CASR: variants seen among roughly 807,000 people sequenced by gnomAD.
The protein encoded by CASR is calcium sensing receptor, also known as extracellular calcium-sensing receptor.
A neutral mutation model predicts 69.1 loss-of-function variants in CASR; 23 were observed. The observed-to-expected ratio is 0.33, with a 90% confidence interval of 0.24 to 0.47. The LOEUF (loss-of-function observed/expected upper bound fraction) is 0.47, where lower values mean the gene tolerates loss of function less well. Among genes scored for constraint, CASR ranks in the 20% least tolerant of loss-of-function variants. The pLI, the probability that CASR is intolerant of heterozygous loss-of-function variation, is 1.00. For missense variants in CASR, 924 were observed against 1,356.1 expected (o/e 0.68, Z 5.00); for synonymous variants, 541 against 544.7 (o/e 0.99, Z 0.10).
intron 1 of CASR, among the ~76,000 whole-genome samples, chr3:122,201,907 C>T (rs1406518884): frequency 1.3e-5 from 2 of 151,224 alleles, no homozygotes; most frequent in East Asian, 2.0e-4. Flanking sequence ...GGATGGCGGC[C>T]GGGCAGAGAC....
intron 1 of CASR, among the ~76,000 whole-genome samples, chr3:122,205,878 G>A (rs944558895): frequency 2.6e-5 from 4 of 151,682 alleles, no homozygotes; most frequent in Non-Finnish European, 4.4e-5. Context: ...TTGTTCACTG[G>A]TGGTGTATAT....
intron 4 of CASR, among the ~76,000 whole-genome samples, chr3:122,264,866 T>C (rs191105532): frequency 6.6e-6 from 1 of 152,216 alleles, no homozygotes; most frequent in Non-Finnish European, 1.5e-5. Context: ...TATTCATTCA[T>C]TCTCAATATT....
At chr3:122,199,672 A>T (rs978852957) in intron 1 of CASR, among the ~76,000 whole-genome samples, 2 of 152,200 alleles carry the variant, frequency 1.3e-5, no homozygotes, top group Non-Finnish European at 2.9e-5. Flanking sequence ...ATTACCAAAA[A>T]GAAAAGACTG....
intron 1 of CASR, among the ~76,000 whole-genome samples, chr3:122,192,665 C>T (rs1008283287): frequency 6.6e-6 from 1 of 152,212 alleles, no homozygotes; most frequent in Admixed American, 6.5e-5. Flanking sequence ...GGCCAAGAAA[C>T]TTTCCCAAAT....
chr3:122,270,903 T>C (rs1045664529), intron 4 of CASR, among the ~76,000 whole-genome samples: 2 of 152,238 alleles, frequency 1.3e-5, no homozygotes, highest in Non-Finnish European at 2.9e-5. Flanking sequence ...AAACTTGCTT[T>C]ATAATCCAGA....
intron 1 of CASR, among the ~76,000 whole-genome samples, chr3:122,240,180 G>A (rs2074367239): frequency 2.0e-5 from 3 of 152,224 alleles, no homozygotes. Flanking sequence ...GTTCCAATAT[G>A]TCTGGCAGCA....
At chr3:122,234,025 TC>T (rs1448934293) in intron 1 of CASR, among the ~76,000 whole-genome samples, 2 of 152,184 alleles carry the variant, frequency 1.3e-5, no homozygotes, top group Admixed American at 1.3e-4. Flanking sequence ...GGACCCTTAC[TC>T]CTCTGATTGA....
At chr3:122,226,638 T>A (rs2074225734) in intron 1 of CASR, among the ~76,000 whole-genome samples, 1 of 152,152 alleles carries the variant, frequency 6.6e-6, no homozygotes, top group Non-Finnish European at 1.5e-5. Context: ...AAGTTCTCCA[T>A]GTCCACACTA....
At chr3:122,200,060 A>G (rs2073927284) in intron 1 of CASR, among the ~76,000 whole-genome samples, 2 of 152,294 alleles carry the variant, frequency 1.3e-5, no homozygotes, top group South Asian at 2.1e-4. Context: ...GGCATGAGCC[A>G]TCACACCTGG....
chr3:122,291,336 A>C lies in CASR; in HGVS notation c.*6145A>C, dbSNP rs1186330609. ...TTCCACAATGGTTGAACTAGTTTAC[A>C]GTCCCACCAACAGTGTAAAAGTGTT... On this transcript the variant is annotated 3_prime_UTR_variant, in exon 7 of 7. Coordinates refer to ENST00000639785, the MANE Select transcript of CASR (RefSeq NM_000388.4). The C allele has an allele frequency of 1.3e-5, 2 of 151,424 alleles. No homozygotes were observed. The highest frequency in any genetic ancestry group is 3.9e-4 in the East Asian group (2 of 5,184). 9.4% of individuals were successfully genotyped at this position (151,424 alleles called of 1,614,324 possible). A position where few individuals can be genotyped will look rare whatever the true frequency, so the allele number is the denominator to read the frequency against.
chr3:122,254,937 G>T (rs1479725435), intron 2 of CASR, among the ~76,000 whole-genome samples: 2 of 151,722 alleles, frequency 1.3e-5, no homozygotes, highest in East Asian at 3.9e-4. Context: ...GCATAGGAAG[G>T]TTATCCCCCC....
chr3:122,276,813 C>T (rs1421292395), intron 5 of CASR, among the ~76,000 whole-genome samples: 1 of 152,178 alleles, frequency 6.6e-6, no homozygotes, highest in Non-Finnish European at 1.5e-5. Context: ...GAAGCCCACC[C>T]CTCAGTCAAT....
In CASR at chr3:122,254,317, G is replaced by C; in HGVS notation, c.128G>C (p.Gly43Ala). 1 of 1,614,170 alleles carries C rather than the reference G, an allele frequency of 6.2e-7. No homozygotes were observed. ...ILGGLFPIHFGVAAKDQDLKS... is the reference protein window; with the variant it reads ...ILGGLFPIHFAVAAKDQDLKS... ...GGGGGGCTCTTTCCTATTCATTTTGGAGTAGCAGCTAAAGATCAAGATCTC... is the reference window on the plus strand; with the variant it reads ...GGGGGGCTCTTTCCTATTCATTTTGCAGTAGCAGCTAAAGATCAAGATCTC... Residue 43 changes from glycine to alanine, a missense_variant, in exon 2 of 7, where the codon GGA becomes GCA. By Grantham distance (60) the Gly-to-Ala change is moderately conservative (BLOSUM62 0). This residue lies in a region of CASR where 141 missense variants were observed against 283.0 expected (regional missense o/e 0.50). Transcript: ENST00000639785.
At chr3:122,232,496 G>T (rs1489295211) in intron 1 of CASR, among the ~76,000 whole-genome samples, 3 of 152,156 alleles carry the variant, frequency 2.0e-5, no homozygotes, top group African/African-American at 7.2e-5. Flanking sequence ...TGAGAGGGAT[G>T]GGAAGGGCCC....
chr3:122,233,859 T>C (rs2074302527), intron 1 of CASR, among the ~76,000 whole-genome samples: 1 of 152,214 alleles, frequency 6.6e-6, no homozygotes, highest in Admixed American at 6.5e-5. Flanking sequence ...TTCCCACCCT[T>C]AGCTAAAAGT....
intron 4 of CASR, among the ~76,000 whole-genome samples, chr3:122,270,357 G>A (rs940029404): frequency 2.6e-5 from 4 of 152,038 alleles, no homozygotes; most frequent in Admixed American, 6.6e-5. Flanking sequence ...GTCACTTCTC[G>A]AATTTATCAT....
chr3:122,216,626 C>G (rs2107599005), intron 1 of CASR, among the ~76,000 whole-genome samples: 1 of 152,292 alleles, frequency 6.6e-6, no homozygotes, highest in Non-Finnish European at 1.5e-5. Flanking sequence ...AGAGTAATAA[C>G]TATACCATTC....
intron 1 of CASR, among the ~76,000 whole-genome samples, chr3:122,228,478 A>G (rs1257659056): frequency 6.6e-6 from 1 of 152,176 alleles, no homozygotes; most frequent in African/African-American, 2.4e-5. Flanking sequence ...ATTTCCTATT[A>G]GAAGTAGTAT....
intron 1 of CASR, among the ~76,000 whole-genome samples, chr3:122,231,401 C>T (rs2074277003): frequency 1.3e-5 from 2 of 152,328 alleles, no homozygotes; most frequent in South Asian, 2.1e-4. Flanking sequence ...ACACTATCAC[C>T]ATCATACGAA....
Sources: allele counts gnomAD v4.1 joint callset (sites outside exome capture counted in the v4.1 genomes callset), GRCh38; gene constraint gnomAD v4.1.1; regional missense constraint gnomAD v4.1.1; transcripts MANE v1.5; gene names NCBI Gene and HGNC (gene_info 2026-07-23, HGNC 2026-07-21).